MSI2: variants seen among roughly 807,000 people sequenced by gnomAD.
MSI2 encodes RNA-binding protein Musashi homolog 2.
MSI2 carries 17 observed loss-of-function variants against 45.6 expected under a neutral mutation model. The ratio of observed to expected loss-of-function variants is 0.37; its 90% CI spans 0.26 to 0.56. The LOEUF (loss-of-function observed/expected upper bound fraction) is 0.56. Among genes scored for constraint, MSI2 ranks in the 20% least tolerant of loss-of-function variants. The pLI is 0.77. For missense variants in MSI2, 293 were observed against 444.2 expected (o/e 0.66, Z 3.06); for synonymous variants, 156 against 158.2 (o/e 0.99, Z 0.11).
At chr17:57,564,986 T>G (rs1278295096) in intron 7 of MSI2, among the ~76,000 whole-genome samples, 3 of 152,226 alleles carry the variant, frequency 2.0e-5, no homozygotes, top group Non-Finnish European at 4.4e-5. Flanking sequence ...CACCTAACAG[T>G]GCTAGATGCT....
chr17:57,362,936 T>C (rs1385818014), intron 5 of MSI2, among the ~76,000 whole-genome samples: 1 of 152,220 alleles, frequency 6.6e-6, no homozygotes, highest in Non-Finnish European at 1.5e-5. Context: ...GTGTAGCCAC[T>C]GTACAAAGCA....
At chr17:57,637,670 A>AATAGCCCC (rs1909943114) in intron 10 of MSI2, among the ~76,000 whole-genome samples, 1 of 152,236 alleles carries the variant, frequency 6.6e-6, no homozygotes, top group African/African-American at 2.4e-5. Flanking sequence ...CCCATCTGTC[A>AATAGCCCC]AATCAGGCTA....
intron 10 of MSI2, among the ~76,000 whole-genome samples, chr17:57,647,021 T>C (rs1910714133): frequency 1.3e-5 from 2 of 152,152 alleles, no homozygotes; most frequent in Admixed American, 6.6e-5. Context: ...CTTGGCCCAC[T>C]TGTCATTGTT....
At chr17:57,284,140 A>G (rs138530578) in intron 5 of MSI2, among the ~76,000 whole-genome samples, 19 of 152,194 alleles carry the variant, frequency 1.2e-4, no homozygotes, top group African/African-American at 4.3e-4. Flanking sequence ...GCATTGCCCA[A>G]GTATTGGTTT....
intron 11 of MSI2, among the ~76,000 whole-genome samples, chr17:57,669,327 G>A (rs1344225228): frequency 6.6e-6 from 1 of 152,218 alleles, no homozygotes; most frequent in African/African-American, 2.4e-5. Flanking sequence ...AGGGACTGAT[G>A]CAGGCCCTCA....
intron 2 of MSI2, 121 bp downstream of exon 2, chr17:57,257,259 G>T: frequency 3.4e-6 from 2 of 586,142 alleles, no homozygotes; most frequent in Non-Finnish European, 2.8e-6. Context: ...TCCTGTGCAA[G>T]GTTATTTTTT....
intron 7 of MSI2, among the ~76,000 whole-genome samples, chr17:57,546,050 C>T (rs979976178): frequency 5.9e-5 from 9 of 152,146 alleles, no homozygotes; most frequent in South Asian, 2.1e-4. Flanking sequence ...CCACAGTCAG[C>T]GGGAGGCCCC....
intron 12 of MSI2, among the ~76,000 whole-genome samples, chr17:57,676,071 C>T (rs1011698139): frequency 6.6e-6 from 1 of 152,240 alleles, no homozygotes; most frequent in East Asian, 1.9e-4. Flanking sequence ...TCCCAGGCCA[C>T]GTTCCTGTCA....
intron 5 of MSI2, among the ~76,000 whole-genome samples, chr17:57,302,504 A>C (rs1455446337): frequency 6.6e-6 from 1 of 152,144 alleles, no homozygotes; most frequent in African/African-American, 2.4e-5. Context: ...TCCCAAGTGT[A>C]TTTTTGTTCT....
chr17:57,511,276 G>C (rs2086348348), intron 6 of MSI2, among the ~76,000 whole-genome samples: 1 of 152,188 alleles, frequency 6.6e-6, no homozygotes, highest in Admixed American at 6.5e-5. Flanking sequence ...ACGTCAGGGT[G>C]GAACAAAGGA....
chr17:57,346,948 C>A (rs922794123), intron 5 of MSI2, among the ~76,000 whole-genome samples: 1 of 152,114 alleles, frequency 6.6e-6, no homozygotes, highest in Non-Finnish European at 1.5e-5. Context: ...AATAGGTAAT[C>A]GAACAGAGTA....
chr17:57,538,121 G>A lies in MSI2; in HGVS notation c.454+8397G>A, dbSNP rs78439096. ...CTCTGACTCTCACAACATGGTTTAA[G>A]ATCTCGGTGAGGGCAGAGTGTGGAG... On this transcript the variant is annotated intron_variant, in intron 7 of 13. Transcript: ENST00000284073. Among the ~76,000 whole-genome samples, 113 of 152,216 alleles carry A rather than the reference G, an allele frequency of 7.4e-4. No individual in the cohort carries two copies. In the East Asian group the frequency reaches 0.02, roughly 27 times the overall value.
intron 5 of MSI2, among the ~76,000 whole-genome samples, chr17:57,351,435 G>A (rs1916024446): frequency 1.3e-5 from 2 of 152,192 alleles, no homozygotes; most frequent in Non-Finnish European, 2.9e-5. Context: ...AAAACTGAGT[G>A]CTTGTATAGC....
chr17:57,575,168 G>A (rs1220389247), intron 7 of MSI2, among the ~76,000 whole-genome samples: 2 of 25,850 alleles, frequency 7.7e-5, no homozygotes, highest in Non-Finnish European at 1.5e-4. Flanking sequence ...GCCACCCCCC[G>A]GCTGGAGCAG....
intron 6 of MSI2, among the ~76,000 whole-genome samples, chr17:57,528,107 A>G (rs1337510854): frequency 1.4e-5 from 2 of 143,622 alleles, no homozygotes; most frequent in Non-Finnish European, 3.0e-5. Flanking sequence ...TACCCCCCCT[A>G]CAGCCACACG....
chr17:57,596,741 G>A lies in MSI2; in HGVS notation c.455-127G>A, dbSNP rs1905276636. 1 of 667,340 alleles carries A rather than the reference G, an allele frequency of 1.5e-6. No individual in the cohort carries two copies. The highest frequency in any genetic ancestry group is 2.7e-6 in the Non-Finnish European group (1 of 370,350). 41.3% of individuals were successfully genotyped at this position (667,340 alleles called of 1,614,324 possible). On this transcript the variant is annotated intron_variant, in intron 7 of 13. Transcript: ENST00000284073. The surrounding 1 kb of genome is among the most constrained non-coding windows in gnomAD (Gnocchi z 4.6). The stretch of plus-strand genomic sequence containing the variant: ...CCTCCAACCTCAAGGTCCTCCCAAG[G>A]ATCCGCCTACCTACCCCCAGACCAG...
At chr17:57,634,163 A>G (rs1909649394) in intron 10 of MSI2, among the ~76,000 whole-genome samples, 1 of 152,182 alleles carries the variant, frequency 6.6e-6, no homozygotes, top group South Asian at 2.1e-4. Context: ...CAGGCACTTC[A>G]CTAGAGAGAG....
intron 7 of MSI2, among the ~76,000 whole-genome samples, chr17:57,593,401 G>A (rs181668644): frequency 2.0e-5 from 3 of 152,274 alleles, no homozygotes; most frequent in Admixed American, 6.5e-5. Flanking sequence ...GTCGTTCCTT[G>A]CCTTCTGGAA....
chr17:57,672,803 G>A (rs1912902825), intron 11 of MSI2, among the ~76,000 whole-genome samples: 1 of 152,168 alleles, frequency 6.6e-6, no homozygotes, highest in Non-Finnish European at 1.5e-5. Flanking sequence ...GAAAAAAAGT[G>A]TGTTAGACTA....
Sources: allele counts gnomAD v4.1 joint callset (sites outside exome capture counted in the v4.1 genomes callset), GRCh38; gene constraint gnomAD v4.1.1; non-coding constraint Gnocchi (gnomAD v3.1); transcripts MANE v1.5; gene names NCBI Gene and HGNC (gene_info 2026-07-23, HGNC 2026-07-21).